The following PRKCH variants were observed in gnomAD, a reference collection of about 807,000 sequenced individuals.
PRKCH encodes the protein protein kinase C eta, also known as protein kinase C eta type.
A neutral mutation model predicts 82.5 loss-of-function variants in PRKCH; 28 were observed. The observed-to-expected ratio is 0.34, with a 90% CI of 0.25 to 0.47. PRKCH has a LOEUF of 0.47. Ranked by LOEUF, PRKCH falls within the 20% of genes least tolerant of loss-of-function variation. PRKCH has a pLI of 1.00. For synonymous variants in PRKCH, 322 were observed against 327.4 expected (o/e 0.98, Z 0.18); for missense variants, 705 against 881.8 (o/e 0.80, Z 2.54).
intron 1 of PRKCH, among the ~76,000 whole-genome samples, chr14:61,308,093 G>T (rs1403058879): frequency 6.6e-6 from 1 of 152,112 alleles, no homozygotes; most frequent in African/African-American, 2.4e-5. Flanking sequence ...TCCTGCCTTG[G>T]TCTCCCAGAG....
intron 1 of PRKCH, among the ~76,000 whole-genome samples, chr14:61,380,523 C>A (rs1331213631): frequency 5.9e-5 from 9 of 152,196 alleles, no homozygotes; most frequent in Admixed American, 5.9e-4. Flanking sequence ...CCATTAGGAG[C>A]ACCAGAAGCT....
At chr14:61,249,499 C>G (rs1183759513) in intron 1 of PRKCH, among the ~76,000 whole-genome samples, 1 of 101,116 alleles carries the variant, frequency 9.9e-6, no homozygotes, top group African/African-American at 3.6e-5. Flanking sequence ...GTATGATGTG[C>G]AAATTTGTAA....
intron 12 of PRKCH, among the ~76,000 whole-genome samples, chr14:61,536,896 GAGTTCTTTGTGTAT>G (rs2043117217): frequency 6.6e-6 from 1 of 152,168 alleles, no homozygotes; most frequent in Admixed American, 6.5e-5. Context: ...GTGGACTTGT[GAGTTCTTTGTGTAT>G]AGCTGTTCAA....
At chr14:61,197,274 A>G (rs1301585055) in intron 1 of PRKCH, among the ~76,000 whole-genome samples, 1 of 152,128 alleles carries the variant, frequency 6.6e-6, no homozygotes, top group Non-Finnish European at 1.5e-5. Flanking sequence ...CTGATATATT[A>G]TTTTTTGTTG....
chr14:61,412,640 C>T (rs1451491899), intron 2 of PRKCH, among the ~76,000 whole-genome samples: 5 of 152,152 alleles, frequency 3.3e-5, no homozygotes, highest in Non-Finnish European at 4.4e-5. Flanking sequence ...TTGGATGTTG[C>T]TGGCTGGACC....
chr14:61,343,377 G>GAAAAAAAAAAAAAAAAAAAAAAAA, intron 1 of PRKCH, among the ~76,000 whole-genome samples: 1 of 98,038 alleles, frequency 1.0e-5, no homozygotes, highest in African/African-American at 3.4e-5. Context: ...AAAAAAAAAG[G>GAAAAAAAAAAAAAAAAAAAAAAAA]AAAAACAGAC....
At chr14:61,327,058 C>T (rs975348852) in intron 1 of PRKCH, 3 of 455,902 alleles carry the variant, frequency 6.6e-6, no homozygotes, top group Admixed American at 4.7e-5. Context: ...AAGACCTTGG[C>T]GCCCCCTCAG....
At chr14:61,296,457 C>A (rs999527073) in intron 1 of PRKCH, among the ~76,000 whole-genome samples, 2 of 152,160 alleles carry the variant, frequency 1.3e-5, no homozygotes, top group Non-Finnish European at 2.9e-5. Context: ...ATTCCTTTGA[C>A]CCCAGAACTG....
At chr14:61,252,773 CATT>C (rs1454487251) in intron 1 of PRKCH, among the ~76,000 whole-genome samples, 5 of 152,200 alleles carry the variant, frequency 3.3e-5, no homozygotes, top group African/African-American at 1.2e-4. Context: ...CAAACACAGT[CATT>C]ATTAAAGTAT....
intron 1 of PRKCH, among the ~76,000 whole-genome samples, chr14:61,194,938 C>T (rs187412666): frequency 1.9e-4 from 29 of 152,184 alleles, no homozygotes; most frequent in Admixed American, 8.5e-4. Context: ...TTCACCATGT[C>T]GGCCAGGCTG....
At chr14:61,335,519 A>G (rs1033157223) in intron 1 of PRKCH, among the ~76,000 whole-genome samples, 6 of 152,198 alleles carry the variant, frequency 3.9e-5, no homozygotes, top group African/African-American at 7.2e-5. Flanking sequence ...TAATAAACAT[A>G]CTAACAGTAA....
At chr14:61,452,283 C>T (rs954302629) in intron 6 of PRKCH, among the ~76,000 whole-genome samples, 3 of 152,162 alleles carry the variant, frequency 2.0e-5, no homozygotes, top group Non-Finnish European at 4.4e-5. Context: ...TCAAGGGCAC[C>T]TTCCAAAGCC....
chr14:61,322,075 C>A lies in PRKCH; in HGVS notation c.-27C>A. 6.6e-7 allele frequency: 1 copy of A among 1,516,234 alleles called. No individual in the cohort carries two copies. Among genetic ancestry groups the A allele is most frequent in the Non-Finnish European group, 8.9e-7 (1 of 1,126,186 alleles). The allele number at this position is 1,516,234 out of a possible 1,614,324, so 93.9% of individuals were successfully genotyped here. On this transcript the variant is annotated 5_prime_UTR_variant, in exon 1 of 14. Coordinates refer to ENST00000332981, the MANE Select transcript of PRKCH (RefSeq NM_006255.5). ...TCTCCCGCTGCGAAGCAGCGCGGCCCCCCGGGGCCGGGGCAGCGGCGCCGG... is the reference window on the plus strand; with the variant it reads ...TCTCCCGCTGCGAAGCAGCGCGGCCACCCGGGGCCGGGGCAGCGGCGCCGG...
intron 1 of PRKCH, among the ~76,000 whole-genome samples, chr14:61,388,712 C>T (rs2046628018): frequency 6.6e-6 from 1 of 152,224 alleles, no homozygotes; most frequent in South Asian, 2.1e-4. Context: ...AGGCTGATAT[C>T]CTGTTTAGTC....
intron 2 of PRKCH, among the ~76,000 whole-genome samples, chr14:61,415,870 C>G (rs1246256720): frequency 1.6e-4 from 25 of 152,120 alleles, no homozygotes; most frequent in Admixed American, 1.6e-3. Context: ...TTAGCAAACA[C>G]CATTCTGCTT....
intron 2 of PRKCH, among the ~76,000 whole-genome samples, chr14:61,441,568 A>G (rs1343440876): frequency 1.3e-5 from 2 of 152,210 alleles, no homozygotes; most frequent in African/African-American, 4.8e-5. Context: ...GTTTGCACTT[A>G]CAGTTTTAGG....
intron 10 of PRKCH, among the ~76,000 whole-genome samples, chr14:61,506,555 C>G (rs568647246): frequency 6.6e-6 from 1 of 152,272 alleles, no homozygotes; most frequent in South Asian, 2.1e-4. Flanking sequence ...CAACCCCTCC[C>G]CCTACCACTC....
At position 61,391,495 on chromosome 14, in the gene PRKCH, A is replaced by G. The variant is rs532551585; in HGVS notation, c.427+207A>G. Among the ~76,000 whole-genome samples, 137 of 152,330 alleles carry G rather than the reference A, an allele frequency of 9.0e-4. 1 individual carries two copies. The highest frequency in any genetic ancestry group is 1.9e-3 in the Non-Finnish European group (126 of 68,028). ...TTAAATATATTTGCTAAATCTGGCA[A>G]TCTCACGTTTCATTTAACACACTCA... On this transcript the variant is annotated intron_variant, in intron 2 of 13. Transcript: ENST00000332981.
At chr14:61,428,535 T>G (rs1052457157) in intron 2 of PRKCH, among the ~76,000 whole-genome samples, 2 of 152,186 alleles carry the variant, frequency 1.3e-5, no homozygotes, top group African/African-American at 4.8e-5. Context: ...GTGAAGAGCT[T>G]TCCTCTTTTA....
Sources: allele counts gnomAD v4.1 joint callset (sites outside exome capture counted in the v4.1 genomes callset), GRCh38; gene constraint gnomAD v4.1.1; transcripts MANE v1.5; gene names NCBI Gene and HGNC (gene_info 2026-07-23, HGNC 2026-07-21).